TSPAN9: variants seen among roughly 807,000 people sequenced by gnomAD.
The protein encoded by TSPAN9 is tetraspanin-9.
Under a neutral mutation model 31.0 loss-of-function variants are expected in TSPAN9, and 16 were observed. That is an observed-to-expected ratio of 0.52 (90% CI 0.35 to 0.78). TSPAN9 has a LOEUF of 0.78. Among genes scored for constraint, TSPAN9 ranks in the 30% least tolerant of loss-of-function variants. The pLI is 0.01. For synonymous variants in TSPAN9, 145 were observed against 121.6 expected (o/e 1.19, Z -1.27); for missense variants, 272 against 312.5 (o/e 0.87, Z 0.98).
intron 3 of TSPAN9, among the ~76,000 whole-genome samples, chr12:3,247,868 A>G (rs1862170191): frequency 1.3e-5 from 2 of 152,014 alleles, no homozygotes; most frequent in African/African-American, 4.8e-5. Flanking sequence ...GAGCTCCCCC[A>G]CCATCCTGCA....
rs1387866841 is a variant in TSPAN9, at chr12:3,120,088, CCCTCTTCCTTTCCTCTGTTG to C, written c.-18+36376_-18+36395del. Among the ~76,000 whole-genome samples the C allele has an allele frequency of 1.4e-4, 22 of 152,318 alleles. No individual in the cohort carries two copies. The South Asian group carries it at 4.4e-3, about 30-fold the overall frequency. Reference sequence around the variant, plus strand: ...TTGGGAAATTCATTGCCCACTCGTTCCCTCTTCCTTTCCTCTGTTGCCTCTTTAAAATGAAGGTTTACTTT... The same window carrying C: ...TTGGGAAATTCATTGCCCACTCGTTCCCTCTTTAAAATGAAGGTTTACTTT... On this transcript the variant is annotated intron_variant, in intron 2 of 8. Transcript: ENST00000011898.
At chr12:3,096,212 A>G (rs2098308757) in intron 2 of TSPAN9, among the ~76,000 whole-genome samples, 1 of 152,228 alleles carries the variant, frequency 6.6e-6, no homozygotes, top group South Asian at 2.1e-4. Flanking sequence ...AAACATAGAT[A>G]CTGCCACATC....
intron 3 of TSPAN9, among the ~76,000 whole-genome samples, chr12:3,211,307 G>A (rs1469720103): frequency 1.3e-5 from 2 of 152,138 alleles, no homozygotes; most frequent in Non-Finnish European, 1.5e-5. Flanking sequence ...TTCTGTGTAT[G>A]CCTGGGTCTT....
At chr12:3,152,327 T>G (rs531816314) in intron 2 of TSPAN9, among the ~76,000 whole-genome samples, 1 of 152,346 alleles carries the variant, frequency 6.6e-6, no homozygotes, top group Admixed American at 6.5e-5. Context: ...CCACAGGGTT[T>G]GGCCTGATGC....
Position 3,184,978 on chromosome 12 carries a change from C to T in TSPAN9, c.-17-16199C>T, listed in dbSNP as rs143607715. 3.9e-3 allele frequency among the ~76,000 whole-genome samples: 598 copies of T among 152,180 alleles called. 3 individuals are homozygous for T. The highest frequency in any genetic ancestry group is 0.014 in the African/African-American group (574 of 41,566). ...GCATCCTTGCTTTGTTACTAAACTC[C>T]GCTGGTTCCTTGGTTCTATAGTCTC... On this transcript the variant is annotated intron_variant, in intron 2 of 8. Coordinates refer to ENST00000011898, the MANE Select transcript of TSPAN9 (RefSeq NM_006675.5).
rs896023866 is a variant in TSPAN9 at position 3,145,991 on chromosome 12, G to A, written c.-17-55186G>A. On this transcript the variant is annotated intron_variant, in intron 2 of 8. Transcript: ENST00000011898. ...CTTGCGAGCGAGCCACGGGGCACGC[G>A]GGGCCTGGCGGTGGCCTTCCACCAC... Among the ~76,000 whole-genome samples, 18 of 152,328 alleles carry A rather than the reference G, an allele frequency of 1.2e-4. No individual in the cohort carries two copies. The South Asian group carries it at 1.7e-3, about 14-fold the overall frequency.
At chr12:3,219,960 G>C (rs552208876) in intron 3 of TSPAN9, among the ~76,000 whole-genome samples, 1 of 151,752 alleles carries the variant, frequency 6.6e-6, no homozygotes, top group Non-Finnish European at 1.5e-5. Context: ...TTCGAGACTA[G>C]CCTGGCCAAC....
chr12:3,249,991 C>G (rs982873676), intron 3 of TSPAN9, among the ~76,000 whole-genome samples: 1 of 152,194 alleles, frequency 6.6e-6, no homozygotes, highest in African/African-American at 2.4e-5. Flanking sequence ...AGAAATTAAA[C>G]TTTCCTCCAT....
At chr12:3,183,044 A>G (rs1022161294) in intron 2 of TSPAN9, among the ~76,000 whole-genome samples, 1 of 152,214 alleles carries the variant, frequency 6.6e-6, no homozygotes, top group Non-Finnish European at 1.5e-5. Context: ...GGCGTACCTG[A>G]AAGTGAACAG....
At chr12:3,253,482 G>T (rs1051431139) in intron 3 of TSPAN9, among the ~76,000 whole-genome samples, 17 of 152,218 alleles carry the variant, frequency 1.1e-4, no homozygotes, top group African/African-American at 3.9e-4. Flanking sequence ...AGGTTGTGGT[G>T]AGGATGCAGT....
chr12:3,095,257 C>T (rs1458403812), intron 2 of TSPAN9, among the ~76,000 whole-genome samples: 2 of 139,064 alleles, frequency 1.4e-5, no homozygotes, highest in African/African-American at 5.4e-5. Flanking sequence ...TGAAAAGTCT[C>T]CCATGTCTAC....
At chr12:3,233,389 T>C (rs1270033833) in intron 3 of TSPAN9, among the ~76,000 whole-genome samples, 1 of 152,214 alleles carries the variant, frequency 6.6e-6, no homozygotes, top group African/African-American at 2.4e-5. Context: ...TCCGTCCCTG[T>C]CCCATCCCCT....
intron 2 of TSPAN9, among the ~76,000 whole-genome samples, chr12:3,153,674 TG>T (rs2098340913): frequency 6.6e-6 from 1 of 152,198 alleles, no homozygotes; most frequent in African/African-American, 2.4e-5. Context: ...TACATTAATA[TG>T]TTAATATTAT....
At chr12:3,113,325 T>G (rs1270876148) in intron 2 of TSPAN9, among the ~76,000 whole-genome samples, 2 of 152,132 alleles carry the variant, frequency 1.3e-5, no homozygotes, top group African/African-American at 4.8e-5. Flanking sequence ...GAGAGCATCC[T>G]GGTGGATGCC....
chr12:3,232,407 G>A (rs774385986), intron 3 of TSPAN9, among the ~76,000 whole-genome samples: 37 of 152,174 alleles, frequency 2.4e-4, no homozygotes, highest in Non-Finnish European at 4.9e-4. Flanking sequence ...GACACAGCAA[G>A]AAGGATTTGG....
At chr12:3,190,146 G>A (rs918914629) in intron 2 of TSPAN9, among the ~76,000 whole-genome samples, 3 of 152,202 alleles carry the variant, frequency 2.0e-5, no homozygotes, top group Non-Finnish European at 2.9e-5. Flanking sequence ...AGAGTGGGCC[G>A]AGGGAGGCAG....
chr12:3,222,128 A>G (rs1230407499), intron 3 of TSPAN9, among the ~76,000 whole-genome samples: 2 of 152,178 alleles, frequency 1.3e-5, no homozygotes, highest in Non-Finnish European at 2.9e-5. Flanking sequence ...TTTTCCTGAA[A>G]ATTCTTCCAA....
At chr12:3,144,181 A>G (rs1305150581) in intron 2 of TSPAN9, among the ~76,000 whole-genome samples, 1 of 151,914 alleles carries the variant, frequency 6.6e-6, no homozygotes, top group Non-Finnish European at 1.5e-5. Flanking sequence ...GCTCAGTGCA[A>G]CCTCCACCTG....
intron 2 of TSPAN9, among the ~76,000 whole-genome samples, chr12:3,153,319 T>C (rs2098340743): frequency 6.6e-6 from 1 of 152,184 alleles, no homozygotes; most frequent in Non-Finnish European, 1.5e-5. Context: ...GAAATAGGGG[T>C]ATAAAATACC....
Sources: gnomAD v4.1 joint callset for allele counts (sites outside exome capture counted in the v4.1 genomes callset) on GRCh38, gnomAD v4.1.1 for gene constraint, MANE v1.5 for transcripts, NCBI Gene and HGNC (gene_info 2026-07-23, HGNC 2026-07-21) for gene names.